The following KCNN2 variants were observed in gnomAD, a reference collection of about 807,000 sequenced individuals.
KCNN2 encodes the protein small conductance calcium-activated potassium channel protein 2.
Under a neutral mutation model 55.5 loss-of-function variants are expected in KCNN2, and 24 were observed. That is an observed-to-expected ratio of 0.43 (90% CI 0.31 to 0.61). The LOEUF is 0.61. Among genes scored for constraint, KCNN2 ranks in the 20% least tolerant of loss-of-function variants. KCNN2 has a pLI of 0.08. For missense variants in KCNN2, 754 were observed against 853.6 expected, an observed-to-expected ratio of 0.88 and a Z score of 1.45; for synonymous variants, 431 against 336.1, an observed-to-expected ratio of 1.28 and a Z score of -3.09.
intron 2 of KCNN2, among the ~76,000 whole-genome samples, chr5:114,255,912 T>C (rs888424314): frequency 3.3e-5 from 5 of 152,186 alleles, no homozygotes; most frequent in Admixed American, 2.0e-4. Flanking sequence ...ATGGATATAT[T>C]CTCTAGTGGT....
chr5:114,158,909 A>T (rs1230371595), intron 1 of KCNN2, among the ~76,000 whole-genome samples: 1 of 152,158 alleles, frequency 6.6e-6, no homozygotes, highest in African/African-American at 2.4e-5. Flanking sequence ...TTGGGCTGAG[A>T]TGATGGGGTT....
At chr5:114,282,604 A>G (rs1755645849) in intron 2 of KCNN2, among the ~76,000 whole-genome samples, 2 of 152,106 alleles carry the variant, frequency 1.3e-5, no homozygotes, top group East Asian at 3.9e-4. Context: ...TGCATCTGTG[A>G]TCATGATTGA....
At chr5:114,299,227 G>C (rs527456217) in intron 2 of KCNN2, among the ~76,000 whole-genome samples, 4 of 152,088 alleles carry the variant, frequency 2.6e-5, no homozygotes, top group African/African-American at 7.2e-5. Context: ...GCAGCACCAA[G>C]GCTACAGGTC....
chr5:114,161,167 G>A (rs181568247), intron 1 of KCNN2, among the ~76,000 whole-genome samples: 4,700 of 152,196 alleles, frequency 0.031, 252 homozygotes, highest in African/African-American at 0.11. Flanking sequence ...CATGTTTAGC[G>A]CTTCCTTCAG....
intron 2 of KCNN2, among the ~76,000 whole-genome samples, chr5:114,394,334 T>A (rs573334628): frequency 1.3e-5 from 2 of 152,226 alleles, no homozygotes; most frequent in Non-Finnish European, 2.9e-5. Context: ...TCTACTGTGC[T>A]GCTTGTCTCT....
At chr5:114,095,783 A>G (rs917360820) in intron 1 of KCNN2, among the ~76,000 whole-genome samples, 2 of 152,096 alleles carry the variant, frequency 1.3e-5, no homozygotes, top group Non-Finnish European at 2.9e-5. Context: ...CTTGCCTTAG[A>G]CATATCTCCT....
intron 3 of KCNN2, among the ~76,000 whole-genome samples, chr5:114,444,308 G>T (rs141644968): frequency 2.4e-3 from 368 of 152,200 alleles, no homozygotes; most frequent in Non-Finnish European, 4.0e-3. Flanking sequence ...CCCCTTCTCA[G>T]GAGGAGGAGG....
chr5:114,331,004 A>T (rs1756811014), intron 2 of KCNN2, among the ~76,000 whole-genome samples: 2 of 152,208 alleles, frequency 1.3e-5, no homozygotes, highest in Admixed American at 6.5e-5. Context: ...TATCACTGTG[A>T]ATGAACTCCT....
chr5:114,389,357 C>T (rs1295683044), intron 2 of KCNN2, among the ~76,000 whole-genome samples: 4 of 152,074 alleles, frequency 2.6e-5, no homozygotes, highest in Non-Finnish European at 4.4e-5. Context: ...TGTGACAAGT[C>T]GCAGTATGCT....
chr5:114,220,267 T>C (rs1160090048), intron 1 of KCNN2, among the ~76,000 whole-genome samples: 1 of 152,132 alleles, frequency 6.6e-6, no homozygotes, highest in African/African-American at 2.4e-5. Context: ...AATTGATATA[T>C]TAATAAACAC....
At chr5:114,161,408 A>G (rs6863520) in intron 1 of KCNN2, among the ~76,000 whole-genome samples, 85,290 of 117,682 alleles carry the variant, frequency 0.72, 31,564 homozygotes, top group East Asian at 0.9. Flanking sequence ...TGGGTAACCC[A>G]ACCTTTCTCT....
At chr5:114,476,630 A>C (rs983017547) in intron 5 of KCNN2, among the ~76,000 whole-genome samples, 4 of 152,080 alleles carry the variant, frequency 2.6e-5, no homozygotes, top group African/African-American at 9.7e-5. Flanking sequence ...CATGTTGGTC[A>C]GGCTGGTCTG....
At chr5:114,231,459 G>T (rs942424485) in intron 2 of KCNN2, among the ~76,000 whole-genome samples, 2 of 148,892 alleles carry the variant, frequency 1.3e-5, no homozygotes, top group African/African-American at 2.6e-5. Context: ...ATTGATTTTT[G>T]TATAAGGTGT....
intron 1 of KCNN2, among the ~76,000 whole-genome samples, chr5:114,092,572 C>T (rs1490317669): frequency 6.6e-6 from 1 of 152,204 alleles, no homozygotes; most frequent in Non-Finnish European, 1.5e-5. Context: ...CCCACATTTT[C>T]CTTCTGCACC....
chr5:114,279,662 G>A (rs189774019), intron 2 of KCNN2, among the ~76,000 whole-genome samples: 78 of 152,278 alleles, frequency 5.1e-4, no homozygotes, highest in African/African-American at 1.8e-3. Context: ...GTATTGCATC[G>A]TATATATGTG....
rs149658304 is a variant in KCNN2, at chr5:114,263,239, T to A, written c.-185+41674T>A. 1.8e-3 allele frequency among the ~76,000 whole-genome samples: 279 copies of A among 152,120 alleles called. 2 individuals are homozygous for A. The highest frequency in any genetic ancestry group is 6.5e-3 in the African/African-American group (271 of 41,496). ...GTTGGATGTGTGCATGGGGTAGGGGTGCATGTAGTCACCATCTCGTCTCAA... is the reference window on the plus strand; with the variant it reads ...GTTGGATGTGTGCATGGGGTAGGGGAGCATGTAGTCACCATCTCGTCTCAA... On this transcript the variant is annotated intron_variant, in intron 2 of 10. Coordinates refer to the KCNN2 transcript ENST00000512097.
chr5:114,488,017 A>G (rs1320351592), intron 6 of KCNN2, among the ~76,000 whole-genome samples: 7 of 152,320 alleles, frequency 4.6e-5, no homozygotes, highest in South Asian at 2.1e-4. Context: ...GCCAACTAGT[A>G]TAACAGGCAA....
intron 1 of KCNN2, among the ~76,000 whole-genome samples, chr5:114,154,242 A>G (rs1752583582): frequency 6.6e-6 from 1 of 152,190 alleles, no homozygotes; most frequent in Non-Finnish European, 1.5e-5. Context: ...GAGCAAAGGG[A>G]AAACCCTGAG....
intron 1 of KCNN2, among the ~76,000 whole-genome samples, chr5:114,180,394 T>C (rs1719213110): frequency 1.3e-5 from 2 of 152,154 alleles, no homozygotes; most frequent in Admixed American, 1.3e-4. Context: ...CTAACAATTA[T>C]ATTCTTCCTT....
Sources: gnomAD v4.1 joint callset for allele counts (sites outside exome capture counted in the v4.1 genomes callset) on GRCh38, gnomAD v4.1.1 for gene constraint, MANE v1.5 for transcripts, NCBI Gene and HGNC (gene_info 2026-07-23, HGNC 2026-07-21) for gene names.